The following BMAL2 variants were observed in gnomAD, a reference collection of about 807,000 sequenced individuals.
BMAL2 encodes the protein basic helix-loop-helix ARNT-like protein 2.
the BMAL2 span, among the ~76,000 whole-genome samples, chr12:27,370,778 G>A: frequency 6.6e-6 from 1 of 152,104 alleles, no homozygotes; most frequent in African/African-American, 2.4e-5. Context: ...GCTAATTTTT[G>A]TATTTTTAGT....
the BMAL2 span, among the ~76,000 whole-genome samples, chr12:27,357,505 G>A: frequency 1.3e-5 from 2 of 152,074 alleles, no homozygotes; most frequent in African/African-American, 2.4e-5. Flanking sequence ...CACAGAACTA[G>A]AAAAAACAAT....
chr12:27,388,250 G>A, the BMAL2 span, among the ~76,000 whole-genome samples: 1 of 152,190 alleles, frequency 6.6e-6, no homozygotes, highest in Admixed American at 6.5e-5. Flanking sequence ...GGCATGTAGG[G>A]ATTCCCATGA....
At chr12:27,425,223 AATTAT>A in the BMAL2 span, 1 of 151,986 alleles carries the variant, frequency 6.6e-6, no homozygotes, top group African/African-American at 2.4e-5. Flanking sequence ...AAAAGAGTGA[AATTAT>A]ATTTTATAAT....
At chr12:27,350,338 A>G in the BMAL2 span, among the ~76,000 whole-genome samples, 4 of 152,248 alleles carry the variant, frequency 2.6e-5, no homozygotes, top group African/African-American at 7.2e-5. Context: ...GTCTGTAGGC[A>G]GGTGATGCTT....
At chr12:27,388,103 G>GCACA in the BMAL2 span, among the ~76,000 whole-genome samples, 47 of 148,356 alleles carry the variant, frequency 3.2e-4, no homozygotes, top group African/African-American at 1.0e-3. Flanking sequence ...ACACATGCAC[G>GCACA]CACACACACA....
At chr12:27,347,391 C>G in the BMAL2 span, among the ~76,000 whole-genome samples, 3 of 152,188 alleles carry the variant, frequency 2.0e-5, no homozygotes, top group African/African-American at 7.2e-5. Flanking sequence ...TTGATTAATA[C>G]CTGGTAGAAC....
chr12:27,400,058 C>G, the BMAL2 span, among the ~76,000 whole-genome samples: 2 of 151,930 alleles, frequency 1.3e-5, no homozygotes, highest in Non-Finnish European at 1.5e-5. Flanking sequence ...ATCTGTTAAC[C>G]ATTATAAGCA....
the BMAL2 span, among the ~76,000 whole-genome samples, chr12:27,368,596 AG>A: frequency 6.6e-6 from 1 of 152,192 alleles, no homozygotes; most frequent in Non-Finnish European, 1.5e-5. Context: ...CCAGCTCTGA[AG>A]AAAGGTGTCT....
chr12:27,411,841 A>G, the BMAL2 span, among the ~76,000 whole-genome samples: 1 of 152,046 alleles, frequency 6.6e-6, no homozygotes, highest in Non-Finnish European at 1.5e-5. Context: ...AAAAGTTTTT[A>G]ATTTTTATAT....
the BMAL2 span, among the ~76,000 whole-genome samples, chr12:27,418,576 G>A: frequency 6.6e-6 from 1 of 151,998 alleles, no homozygotes. Context: ...CTGCACTCCA[G>A]CCTGGGTGAC....
the BMAL2 span, among the ~76,000 whole-genome samples, chr12:27,384,616 G>A: frequency 4.6e-5 from 7 of 152,158 alleles, no homozygotes; most frequent in Admixed American, 1.3e-4. Flanking sequence ...GCCTGAAACC[G>A]TGGGTAGTGC....
the BMAL2 span, among the ~76,000 whole-genome samples, chr12:27,357,987 G>A: frequency 1.3e-5 from 2 of 151,812 alleles, no homozygotes; most frequent in East Asian, 3.8e-4. Flanking sequence ...AGAAGCAAAT[G>A]CAACAAAAGC....
the BMAL2 span, chr12:27,370,119 T>TA: frequency 1.9e-6 from 3 of 1,609,942 alleles, no homozygotes; most frequent in Admixed American, 5.0e-5. Context: ...CAAGGCCTCC[T>TA]TCCTTCCAGG....
chr12:27,390,430 T>C, the BMAL2 span: 1,598 of 586,450 alleles, frequency 2.7e-3, 19 homozygotes, highest in African/African-American at 0.027. Flanking sequence ...TATCAGGTAA[T>C]TACATATTAT....
At chr12:27,396,638 T>G in the BMAL2 span, among the ~76,000 whole-genome samples, 1 of 152,194 alleles carries the variant, frequency 6.6e-6, no homozygotes, top group Non-Finnish European at 1.5e-5. Context: ...CACACCAGGA[T>G]GTTCACTCCC....
At chr12:27,373,476 A>G in the BMAL2 span, among the ~76,000 whole-genome samples, 2 of 152,184 alleles carry the variant, frequency 1.3e-5, no homozygotes, top group African/African-American at 4.8e-5. Flanking sequence ...TTAATGCACA[A>G]AAAGTACTTG....
the BMAL2 span, among the ~76,000 whole-genome samples, chr12:27,360,013 G>A: frequency 1.0e-4 from 15 of 144,206 alleles, no homozygotes; most frequent in Admixed American, 2.9e-4. Context: ...AGATTGTGCC[G>A]CTGCACTCCA....
chr12:27,346,164 T>C, the BMAL2 span, among the ~76,000 whole-genome samples: 1 of 152,214 alleles, frequency 6.6e-6, no homozygotes, highest in African/African-American at 2.4e-5. Flanking sequence ...CCCTCCCATG[T>C]TTCTGATCTT....
At chr12:27,367,997 T>C in the BMAL2 span, among the ~76,000 whole-genome samples, 2 of 151,500 alleles carry the variant, frequency 1.3e-5, no homozygotes, top group Non-Finnish European at 2.9e-5. Context: ...GATGCCCACA[T>C]TGTGCCTGGC....
Sources: allele counts gnomAD v4.1 joint callset (sites outside exome capture counted in the v4.1 genomes callset), GRCh38; gene constraint gnomAD v4.1.1; transcripts MANE v1.5; gene names NCBI Gene and HGNC (gene_info 2026-07-23, HGNC 2026-07-21).